The following KIF14 variants were observed in gnomAD, a reference collection of about 807,000 sequenced individuals.
KIF14 encodes kinesin family member 14.
A neutral mutation model predicts 176.2 loss-of-function variants in KIF14; 98 were observed. The observed-to-expected ratio is 0.56, with a 90% CI of 0.47 to 0.66. The LOEUF (loss-of-function observed/expected upper bound fraction) is 0.66. KIF14 is among the 30% of genes least tolerant of loss of function. The probability of loss-of-function intolerance (pLI) is 0.00; values close to 1 mark genes in which losing one functional copy is unlikely to be tolerated. For missense variants in KIF14, 1,751 were observed against 1,920.4 expected, an observed-to-expected ratio of 0.91 and a Z score of 1.65; for synonymous variants, 566 against 632.2, an observed-to-expected ratio of 0.90 and a Z score of 1.57.
chr1:200,604,068 G>A, intron 8 of KIF14, 113 bp from the exon 9 acceptor site: 1 of 647,824 alleles, frequency 1.5e-6, no homozygotes, highest in Non-Finnish European at 2.7e-6. Flanking sequence ...TTTTTAAATA[G>A]TCTCTTCTTT....
chr1:200,570,746 A>G (rs951958647), intron 22 of KIF14, among the ~76,000 whole-genome samples: 2 of 151,982 alleles, frequency 1.3e-5, no homozygotes, highest in Non-Finnish European at 1.5e-5. Context: ...GGATTTATTT[A>G]TTTTCTTTCA....
rs756517393 is a variant in KIF14, at chr1:200,618,554, G to A, written c.170C>T (p.Ala57Val). ...TCTATTTATGTCTCTGACTTTACCTGCAGATCTCAATAATGGATCATCATT... is the reference window on the plus strand; with the variant it reads ...TCTATTTATGTCTCTGACTTTACCTACAGATCTCAATAATGGATCATCATT... ...CENDDPLLRS[A>V]GKVRDINRTY... The change falls in exon 2 of 30, where the codon GCA becomes GTA. Residue 57 changes from alanine to valine, a missense_variant. Ala to Val is a moderately conservative substitution (Grantham distance 64, BLOSUM62 0). Coordinates refer to ENST00000367350, the MANE Select transcript of KIF14 (RefSeq NM_014875.3). 2 of 1,614,114 alleles carry A rather than the reference G, an allele frequency of 1.2e-6. No homozygotes were observed. Among genetic ancestry groups the A allele is most frequent in the Non-Finnish European group, 1.7e-6 (2 of 1,179,996 alleles).
At chr1:200,568,360 A>C (rs908103151) in intron 23 of KIF14, among the ~76,000 whole-genome samples, 1 of 152,262 alleles carries the variant, frequency 6.6e-6, no homozygotes. Context: ...AAAAACCCAC[A>C]GCATATTTTA....
chr1:200,569,303 C>T (rs1657650572), intron 23 of KIF14, among the ~76,000 whole-genome samples: 1 of 151,136 alleles, frequency 6.6e-6, no homozygotes, highest in Non-Finnish European at 1.5e-5. Context: ...TCTCCTCCTA[C>T]ATTTTAAAAT....
intron 15 of KIF14, among the ~76,000 whole-genome samples, chr1:200,593,177 T>C (rs1339673991): frequency 6.6e-6 from 1 of 152,226 alleles, no homozygotes; most frequent in East Asian, 1.9e-4. Context: ...AAGAACTATA[T>C]ACACAAATTA....
intron 14 of KIF14, among the ~76,000 whole-genome samples, chr1:200,596,650 CA>C (rs1659358130): frequency 6.9e-6 from 1 of 145,562 alleles, no homozygotes; most frequent in Non-Finnish European, 1.5e-5. Flanking sequence ...CTGTAGCTTC[CA>C]CCTCCCAGGT....
chr1:200,582,522 A>T (rs1044773926), intron 19 of KIF14, among the ~76,000 whole-genome samples: 3 of 152,250 alleles, frequency 2.0e-5, no homozygotes, highest in Non-Finnish European at 2.9e-5. Flanking sequence ...CTAGGCCCTC[A>T]GAAGAATAAA....
chr1:200,565,236 C>T lies in KIF14; in HGVS notation c.3904G>A (p.Ala1302Thr), dbSNP rs1657383025. The stretch of plus-strand genomic sequence containing the variant: ...GTCTGAATAGTAAGTGACTGGATTG[C>T]TCGATCAGAAGAAAACACTTTGAAA... ...SQDNLFSSDR[A>T]IQSLTIQTAC... is the part of the protein sequence containing the mutation. Residue 1302 changes from alanine to threonine, a missense_variant, in exon 25 of 30, where the codon GCA becomes ACA. Ala to Thr is a moderately conservative substitution (Grantham distance 58). Coordinates refer to ENST00000367350, the MANE Select transcript of KIF14 (RefSeq NM_014875.3). 1 of 1,598,436 alleles carries T rather than the reference C, an allele frequency of 6.3e-7. No individual in the cohort carries two copies. The highest frequency in any genetic ancestry group is 8.5e-7 in the Non-Finnish European group (1 of 1,175,596).
At chr1:200,605,574 T>C (rs1164934401) in intron 7 of KIF14, among the ~76,000 whole-genome samples, 184 bp from the exon 8 acceptor site, 1 of 152,162 alleles carries the variant, frequency 6.6e-6, no homozygotes, top group African/African-American at 2.4e-5. Flanking sequence ...TGAGTAAATA[T>C]TTATCTTTTA....
rs1340206543 is a variant in KIF14 at position 200,618,791 on chromosome 1, G to T, written c.-68C>A. On this transcript the variant is annotated 5_prime_UTR_variant, in exon 2 of 30. Coordinates refer to ENST00000367350, the MANE Select transcript of KIF14 (RefSeq NM_014875.3). ...TAAGCTCTTCTTTGGACATTCATTT[G>T]ATTTCCAGCCATTTCTTATGTATCC... 15 of 1,265,302 alleles carry T rather than the reference G, an allele frequency of 1.2e-5. No homozygotes were observed. The highest frequency in any genetic ancestry group is 1.6e-5 in the Non-Finnish European group (15 of 923,758). 78.4% of individuals were successfully genotyped at this position (1,265,302 alleles called of 1,614,324 possible).
chr1:200,565,081 C>G lies in KIF14; in HGVS notation c.4059G>C (p.Gln1353His), dbSNP rs1170143320. 1 of 1,606,640 alleles carries G rather than the reference C, an allele frequency of 6.2e-7. No homozygotes were observed. Among genetic ancestry groups the G allele is most frequent in the South Asian group, 1.1e-5 (1 of 90,108 alleles). ...QEVKKLGGYL[Q>H]LFLQGCCLDI... ...CAAATCAATTTACCTGCAAAAATAA[C>G]TGTAAGTAGCCTCCCAGTTTTTTAA... The change falls in exon 25 of 30, where the codon CAG becomes CAC. Residue 1353 changes from glutamine to histidine, a missense_variant. Transcript: ENST00000367350.
chr1:200,598,212 CTTT>C, intron 14 of KIF14, 22 bp downstream of exon 14: 16 of 1,556,192 alleles, frequency 1.0e-5, no homozygotes, highest in Non-Finnish European at 1.4e-5. Context: ...GGTGCCTTTT[CTTT>C]TTTTTTAGAG....
At chr1:200,564,850 G>C (rs910085434) in intron 25 of KIF14, among the ~76,000 whole-genome samples, 1 of 152,182 alleles carries the variant, frequency 6.6e-6, no homozygotes, top group South Asian at 2.1e-4. Flanking sequence ...GATTAAATGA[G>C]TTAATATTTG....
rs868084071 is a variant in KIF14, at chr1:200,606,750, A to C, written c.1603T>G (p.Ser535Ala). The change falls in exon 6 of 30, where the codon TCA (serine) becomes GCA (alanine). Residue 535 changes from serine (S) to alanine (A), a missense_variant. Physicochemically the swap from Ser to Ala is moderately conservative, Grantham distance 99. Coordinates refer to ENST00000367350, the MANE Select transcript of KIF14 (RefSeq NM_014875.3). Reference sequence around the variant, plus strand: ...CTTGCTGAGCCAAATACTTACATTGACAGTGCTTCAACATATGGTCCATAA... The same window carrying C: ...CTTGCTGAGCCAAATACTTACATTGCCAGTGCTTCAACATATGGTCCATAA... Reference protein sequence around the residue: ...PVYGPYVEALSMNIVSSYADI... With the variant: ...PVYGPYVEALAMNIVSSYADI... 38 of 1,613,336 alleles carry C rather than the reference A, an allele frequency of 2.4e-5. No homozygotes were observed. In the Middle Eastern group the frequency reaches 5.4e-3, roughly 231 times the overall value.
In KIF14 at chr1:200,617,631, C is replaced by T. The variant is rs144699906; in HGVS notation, c.1093G>A (p.Val365Ile). ...ENSQVTVAVR[V>I]RPFTKREKIE... is the part of the protein sequence containing the mutation. ...ACATACCTCTTGGTGAAAGGTCTTA[C>T]GCGTACTGCCACTGTCACTTGACTA... The change falls in exon 2 of 30, where the codon GTA becomes ATA. Residue 365 changes from valine to isoleucine, a missense_variant. Physicochemically the swap from Val to Ile is conservative, Grantham distance 29. Coordinates refer to ENST00000367350, the MANE Select transcript of KIF14 (RefSeq NM_014875.3). 3.2e-5 allele frequency: 52 copies of T among 1,610,850 alleles called. No homozygotes were observed. Among genetic ancestry groups the T allele is most frequent in the Admixed American group, 2.0e-4 (12 of 59,628 alleles).
At position 200,605,378 on chromosome 1, in the gene KIF14, A is replaced by G; in HGVS notation, c.1651T>C (p.Leu551=). 6.2e-7 allele frequency: 1 copy of G among 1,612,210 alleles called. No individual in the cohort carries two copies. The highest frequency in any genetic ancestry group is 8.5e-7 in the Non-Finnish European group (1 of 1,178,686). ...SYADIQSWLE[L]GNKQRATAAT... ...GCAGTAGCTCTTTGTTTATTTCCCA[A>G]TTCTAGCCAACTCTTATAAGAAAAA... Residue 551 remains leucine (L), a synonymous_variant, in exon 8 of 30, where the codon TTG becomes CTG. Transcript: ENST00000367350.
At chr1:200,612,736 C>T (rs1029336241) in intron 4 of KIF14, among the ~76,000 whole-genome samples, 12 of 152,044 alleles carry the variant, frequency 7.9e-5, no homozygotes, top group African/African-American at 2.9e-4. Context: ...AAAATGACAT[C>T]GATATCTAAT....
At chr1:200,583,260 C>T (rs6699100) in intron 19 of KIF14, among the ~76,000 whole-genome samples, 80,644 of 151,616 alleles carry the variant, frequency 0.53, 22,185 homozygotes, top group East Asian at 0.69. Context: ...CCAGGAAATA[C>T]GAATATGGAG....
In KIF14 at chr1:200,553,411, G is replaced by A. The variant is rs764185165; in HGVS notation, c.4924C>T (p.Pro1642Ser). The change falls in exon 30 of 30, where the codon CCC (proline) becomes TCC (serine). Residue 1642 changes from proline to serine, a missense_variant. Coordinates refer to ENST00000367350, the MANE Select transcript of KIF14 (RefSeq NM_014875.3). ...ATTCACACCCACTGAATCCTACTGG[G>A]TGTGCATTCCTCTGAGCTCACTGCT... is the stretch of plus-strand genomic sequence containing the variant. The part of the protein sequence containing the change: ...SPAVSSEECT[P>S]SRIQWV 2 of 1,612,196 alleles carry A rather than the reference G, an allele frequency of 1.2e-6. No homozygotes were observed. Among genetic ancestry groups the A allele is most frequent in the South Asian group, 1.1e-5 (1 of 90,650 alleles).
Sources: gnomAD v4.1 joint callset for allele counts (sites outside exome capture counted in the v4.1 genomes callset) on GRCh38, gnomAD v4.1.1 for gene constraint, MANE v1.5 for transcripts, NCBI Gene and HGNC (gene_info 2026-07-23, HGNC 2026-07-21) for gene names.